Variants in RNF207 observed in about 807,000 individuals in gnomAD.
RNF207 encodes the protein OTTHUMG00000001089.
RNF207 carries 72 observed loss-of-function variants against 79.0 expected under a neutral mutation model. That is an observed-to-expected ratio of 0.91 (90% CI 0.75 to 1.11). RNF207 has a LOEUF of 1.11. Among genes scored for constraint, RNF207 ranks in the 50% least tolerant of loss-of-function variants. The pLI is 0.00. For missense variants in RNF207, 936 were observed against 855.8 expected (o/e 1.09, Z -1.17); for synonymous variants, 348 against 366.2 (o/e 0.95, Z 0.57).
At chr1:6,210,654 G>C (rs537275489) in intron 10 of RNF207, 1 of 635,040 alleles carries the variant, frequency 1.6e-6, no homozygotes, top group Non-Finnish European at 2.8e-6. Flanking sequence ...ACAGTCCCCC[G>C]TGGGGCGGAG....
Position 6,207,553 on chromosome 1 carries a change from C to G in RNF207, c.324+42C>G. The G allele has an allele frequency of 8.3e-6, 13 of 1,564,930 alleles. No individual in the cohort carries two copies. The highest frequency in any genetic ancestry group is 1.1e-5 in the Non-Finnish European group (13 of 1,158,036). ...GGGTGGGTGAGGAGCAGAGGGTACC[C>G]GGTTGCACAGTCCCCAATGCTTGCA... On this transcript the variant is annotated intron_variant, in intron 3 of 17. Transcript: ENST00000377939. The surrounding 1 kb of genome is among the most constrained non-coding windows in gnomAD (Gnocchi z 4.5).
At chr1:6,216,550 C>A (rs997427022) in intron 16 of RNF207, among the ~76,000 whole-genome samples, 1 of 150,914 alleles carries the variant, frequency 6.6e-6, no homozygotes, top group African/African-American at 2.5e-5. Context: ...TCGTGAGCAT[C>A]GCCATATTCA....
chr1:6,213,288 A>C lies in RNF207; in HGVS notation c.1652+105A>C, dbSNP rs1001500535. On this transcript the variant is annotated intron_variant, in intron 16 of 17. Transcript: ENST00000377939. Reference sequence around the variant, plus strand: ...GTAATCCTAACACTTCGGGAGGCTGAGGTGGGCGGATAACCTGAGGTCAGC... The same window carrying C: ...GTAATCCTAACACTTCGGGAGGCTGCGGTGGGCGGATAACCTGAGGTCAGC... 15 of 659,980 alleles carry C rather than the reference A, an allele frequency of 2.3e-5. No individual in the cohort carries two copies. The South Asian group carries it at 2.8e-4, about 12-fold the overall frequency. The allele number at this position is 659,980 out of a possible 1,614,324, so 40.9% of individuals were successfully genotyped here.
intron 2 of RNF207, 71 bp downstream of exon 2, chr1:6,206,797 C>T (rs551238578): frequency 3.0e-6 from 4 of 1,355,086 alleles, no homozygotes; most frequent in East Asian, 4.7e-5. Flanking sequence ...TCTGCCCGAG[C>T]TGGGACCCAG....
Position 6,210,870 on chromosome 1 carries a change from G to GA in RNF207, c.944dup (p.Leu316AlafsTer26), listed in dbSNP as rs1379553311. 6.9e-6 allele frequency: 11 copies of GA among 1,598,022 alleles called. No individual in the cohort carries two copies. Among genetic ancestry groups the GA allele is most frequent in the Non-Finnish European group, 9.4e-6 (11 of 1,173,488 alleles). On this transcript the variant is annotated frameshift_variant and splice_region_variant, in exon 11 of 18. Coordinates refer to ENST00000377939, the MANE Select transcript of RNF207 (RefSeq NM_207396.3). LOFTEE classifies it high-confidence loss of function. ...CCTGAGGCCCTCCTCACTGCCACAG[G>GA]AGCTGATGGAGAGGCTGCAGGGCAT... is the stretch of plus-strand genomic sequence containing the variant.
chr1:6,208,349 TGCTTTATCGCCCAGGCTGGAGTGCAGTG>T, intron 3 of RNF207: 1 of 152,918 alleles, frequency 6.5e-6, no homozygotes, highest in Non-Finnish European at 1.5e-5. Context: ...GACGGATTCT[TGCTTTATCGCCCAGGCTGGAGTGCAGTG>T]GCGCCAACTT....
At chr1:6,214,626 C>CTTTTTTTTTTTTTTTTTTTTTT (rs1553148919) in intron 16 of RNF207, among the ~76,000 whole-genome samples, 1 of 95,608 alleles carries the variant, frequency 1.0e-5, no homozygotes, top group African/African-American at 5.9e-5. Context: ...TGGAATATTT[C>CTTTTTTTTTTTTTTTTTTTTTT]TTTCTTTTTT....
In RNF207 at chr1:6,210,760, G is replaced by C. The variant is rs1668129019; in HGVS notation, c.943-110G>C. ...CCCAGAAGAGGGCTGGCGCTGCTAA[G>C]GGACACCAAGTCAAGTGCCAAAGAC... is the stretch of plus-strand genomic sequence containing the variant. On this transcript the variant is annotated intron_variant, in intron 10 of 17. Transcript: ENST00000377939. The C allele has an allele frequency of 3.1e-6, 3 of 973,894 alleles. No homozygotes were observed. In the Admixed American group the frequency reaches 6.0e-5, roughly 20 times the overall value. The allele number at this position is 973,894 out of a possible 1,614,324, so 60.3% of individuals were successfully genotyped here. A position where few individuals can be genotyped will look rare whatever the true frequency, so the allele number is the denominator to read the frequency against.
In RNF207 at chr1:6,212,727, T is replaced by C. The variant is rs1326620809; in HGVS notation, c.1528T>C (p.Tyr510His). 6.2e-7 allele frequency: 1 copy of C among 1,613,478 alleles called. No homozygotes were observed. The highest frequency in any genetic ancestry group is 1.7e-5 in the Admixed American group (1 of 60,014). Residue 510 changes from tyrosine to histidine, a missense_variant, in exon 15 of 18, where the codon TAT (tyrosine) becomes CAT (histidine). Physicochemically the swap from Tyr to His is moderately conservative, Grantham distance 83. Transcript: ENST00000377939. ...YQRVANEQEI[Y>H]EAQLHDLLQL... Reference sequence around the variant, plus strand: ...GCGAGTGGCTAATGAGCAGGAGATTTATGAAGGTTCCAGACAGTTGGCTGC... The same window carrying C: ...GCGAGTGGCTAATGAGCAGGAGATTCATGAAGGTTCCAGACAGTTGGCTGC...
In RNF207 at chr1:6,207,928, A is replaced by C; in HGVS notation, c.324+417A>C. On this transcript the variant is annotated intron_variant, in intron 3 of 17. Transcript: ENST00000377939. This position sits in a 1 kb window ranked among gnomAD's most constrained non-coding sequence, Gnocchi z 4.5. ...CTGTTCCCTCTGGGCTGTAAAAGGC[A>C]CAGGGGACTCTGGCCTGCGGAGGCC... The C allele has an allele frequency of 2.8e-6, 1 of 354,558 alleles. No individual in the cohort carries two copies. The highest frequency in any genetic ancestry group is 2.2e-5 in the South Asian group (1 of 44,578). The allele number at this position is 354,558 out of a possible 1,614,324, so 22.0% of individuals were successfully genotyped here. A position where few individuals can be genotyped will look rare whatever the true frequency, so the allele number is the denominator to read the frequency against.
At position 6,207,408 on chromosome 1, in the gene RNF207, G is replaced by A. The variant is rs149910082; in HGVS notation, c.221G>A (p.Gly74Glu). 1.8e-5 allele frequency: 28 copies of A among 1,546,316 alleles called. No individual in the cohort carries two copies. In the African/African-American group the frequency reaches 3.4e-4, roughly 19 times the overall value. ...QHQTVLKGPS[G>E]LPPVDRLLQF... ...CAGACGGTGCTGAAGGGTCCCAGCG[G>A]GCTCCCGCCGGTGGACCGGCTGCTG... The change falls in exon 3 of 18, where the codon GGG (glycine) becomes GAG (glutamate). Residue 74 changes from glycine (G) to glutamate (E), a missense_variant. Physicochemically the swap from Gly to Glu is moderately conservative, Grantham distance 98 (BLOSUM62 -2). Transcript: ENST00000377939. This position sits in a 1 kb window ranked among gnomAD's most constrained non-coding sequence, Gnocchi z 4.5.
intron 3 of RNF207, 54 bp from the exon 4 acceptor site, chr1:6,208,827 C>T: frequency 1.3e-6 from 2 of 1,484,468 alleles, no homozygotes; most frequent in Non-Finnish European, 1.8e-6. Flanking sequence ...GCTGCGGTTC[C>T]CGCGCTGGCC....
In RNF207 at chr1:6,217,902, G is replaced by A. The variant is rs1429481956; in HGVS notation, c.1653-387G>A. On this transcript the variant is annotated intron_variant, in intron 16 of 17. Transcript: ENST00000377939. The surrounding 1 kb of genome is among the most constrained non-coding windows in gnomAD (Gnocchi z 4.2). ...TCAGTTCCCCAAAAAAGCTAGACTG[G>A]TCCCACTTCTGGGCCTCTGCCTGGA... 6.6e-6 allele frequency among the ~76,000 whole-genome samples: 1 copy of A among 152,178 alleles called. No individual in the cohort carries two copies. The highest frequency in any genetic ancestry group is 1.5e-5 in the Non-Finnish European group (1 of 68,040).
chr1:6,208,983 G>A lies in RNF207; in HGVS notation c.427G>A (p.Val143Met). 6.5e-7 allele frequency: 1 copy of A among 1,538,284 alleles called. No individual in the cohort carries two copies. The highest frequency in any genetic ancestry group is 8.7e-7 in the Non-Finnish European group (1 of 1,145,886). Residue 143 changes from valine (V) to methionine (M), a missense_variant, in exon 4 of 18, where the codon GTG (valine) becomes ATG (methionine). Physicochemically the swap from Val to Met is conservative, Grantham distance 21. Coordinates refer to ENST00000377939, the MANE Select transcript of RNF207 (RefSeq NM_207396.3). The part of the protein sequence containing the change: ...RARMFARHDI[V>M]ALGQRSRDVP... ...ACGCATGTTCGCGCGCCACGACATC[G>A]TGGCCCTGGGTCAGCGAAGCCGCGA...
intron 7 of RNF207, 109 bp from the exon 8 acceptor site, chr1:6,209,815 G>C (rs1278203867): frequency 3.3e-6 from 4 of 1,213,628 alleles, no homozygotes; most frequent in Non-Finnish European, 4.6e-6. Flanking sequence ...CTGGTAGGTT[G>C]GAGAGATACC....
At chr1:6,214,111 A>G (rs1668276799) in intron 16 of RNF207, among the ~76,000 whole-genome samples, 1 of 152,206 alleles carries the variant, frequency 6.6e-6, no homozygotes, top group Admixed American at 6.5e-5. Context: ...ACTGGGTATC[A>G]AATTCTAGAT....
intron 7 of RNF207, 125 bp from the exon 8 acceptor site, chr1:6,209,799 G>A: frequency 9.1e-7 from 1 of 1,097,958 alleles, no homozygotes; most frequent in African/African-American, 1.6e-5. Flanking sequence ...GGCAGCAGAT[G>A]CAGGGCTGGT....
In RNF207 at chr1:6,212,350, G is replaced by A. The variant is rs1668210601; in HGVS notation, c.1416G>A (p.Leu472=). 6 of 1,613,936 alleles carry A rather than the reference G, an allele frequency of 3.7e-6. No homozygotes were observed. Among genetic ancestry groups the A allele is most frequent in the Non-Finnish European group, 4.2e-6 (5 of 1,179,966 alleles). The change falls in exon 14 of 18, where the codon CTG becomes CTA. Residue 472 remains leucine, a synonymous_variant. Coordinates refer to ENST00000377939, the MANE Select transcript of RNF207 (RefSeq NM_207396.3). ...TGGGAGACGTCCTGCACAAGTCCCT[G>A]CAACTGGACGTGCAGATCGCCTCGG... ...EIMGDVLHKS[L]QLDVQIASEH...
rs1180612680 is a variant in RNF207 at position 6,211,067 on chromosome 1, T to A, written c.1058T>A (p.Leu353Gln). 5.6e-6 allele frequency: 9 copies of A among 1,601,846 alleles called. No homozygotes were observed. The highest frequency in any genetic ancestry group is 4.0e-5 in the African/African-American group (3 of 74,390). Residue 353 changes from leucine to glutamine, a missense_variant, in exon 12 of 18, where the codon CTG becomes CAG. Physicochemically the swap from Leu to Gln is moderately radical, Grantham distance 113 (BLOSUM62 -2). Transcript: ENST00000377939. The surrounding 1 kb of genome is among the most constrained non-coding windows in gnomAD (Gnocchi z 4.2). ...GAATTCGCGCGCTGTCTGGAGCCAC[T>A]GCTGCTGCTGGGGCCACGTCGGGTG... The part of the protein sequence containing the change: ...RAEFARCLEP[L>Q]LLLGPRRVAA...
Sources: gnomAD v4.1 joint callset for allele counts (sites outside exome capture counted in the v4.1 genomes callset) on GRCh38, gnomAD v4.1.1 for gene constraint, Gnocchi (gnomAD v3.1) non-coding constraint, MANE v1.5 for transcripts, NCBI Gene and HGNC (gene_info 2026-07-23, HGNC 2026-07-21) for gene names.